Variants in FHIT observed in about 807,000 individuals in gnomAD.
The protein encoded by FHIT is bis(5'-adenosyl)-triphosphatase.
In FHIT, 19 loss-of-function variants were observed where a neutral mutation model predicts 17.9. The observed-to-expected ratio is 1.06, with a 90% confidence interval of 0.74 to 1.56. The LOEUF is 1.56. Among genes scored for constraint, FHIT ranks in the 40% most tolerant of loss-of-function variants. The probability of loss-of-function intolerance (pLI) is 0.00; values close to 1 mark genes in which losing one functional copy is unlikely to be tolerated. For synonymous variants in FHIT, 81 were observed against 69.7 expected (o/e 1.16, Z -0.81); for missense variants, 248 against 189.2 (o/e 1.31, Z -1.82).
intron 4 of FHIT, among the ~76,000 whole-genome samples, chr3:60,658,716 A>G: frequency 6.6e-6 from 1 of 152,152 alleles, no homozygotes; most frequent in East Asian, 1.9e-4. Context: ...CAAAGTTACA[A>G]TAATACTAGC....
At chr3:61,209,327 G>C (rs4688354) in intron 1 of FHIT, among the ~76,000 whole-genome samples, 65,729 of 151,908 alleles carry the variant, frequency 0.43, 14,604 homozygotes, top group East Asian at 0.58. Context: ...GTATCTTTCT[G>C]GCATTCTCTG....
At position 61,232,301 on chromosome 3, in the gene FHIT, C is replaced by T. The variant is rs1463015309; in HGVS notation, c.-213+19000G>A. The stretch of plus-strand genomic sequence containing the variant: ...TCTTGGGAGGCTGAGGCACGAGAAT[C>T]GCTTGAACCAGGGAGGTGGAGGTTG... On this transcript the variant is annotated intron_variant, in intron 1 of 9. Transcript: ENST00000492590. 2.6e-5 allele frequency among the ~76,000 whole-genome samples: 4 copies of T among 152,170 alleles called. No homozygotes were observed. In the East Asian group the frequency reaches 5.8e-4, roughly 22 times the overall value.
intron 3 of FHIT, among the ~76,000 whole-genome samples, chr3:61,037,230 A>G (rs574398388): frequency 1.4e-4 from 22 of 152,170 alleles, no homozygotes; most frequent in African/African-American, 5.3e-4. Context: ...TTTTTTATGC[A>G]AACTTTGACC....
At chr3:60,771,629 A>G (rs1700045814) in intron 4 of FHIT, among the ~76,000 whole-genome samples, 1 of 152,176 alleles carries the variant, frequency 6.6e-6, no homozygotes, top group Admixed American at 6.5e-5. Flanking sequence ...GTGCTACAGG[A>G]AAGTATTTAA....
chr3:60,004,714 C>G (rs1163714484), intron 7 of FHIT, among the ~76,000 whole-genome samples: 3 of 152,140 alleles, frequency 2.0e-5, no homozygotes, highest in Non-Finnish European at 4.4e-5. Flanking sequence ...GTTTGAATCC[C>G]AATTCCACTA....
At chr3:59,827,813 A>G (rs1007759571) in intron 8 of FHIT, among the ~76,000 whole-genome samples, 1 of 152,230 alleles carries the variant, frequency 6.6e-6, no homozygotes, top group Non-Finnish European at 1.5e-5. Flanking sequence ...GAAGATCTAC[A>G]GATAATGTAT....
At chr3:60,904,131 A>G (rs1248301327) in intron 3 of FHIT, among the ~76,000 whole-genome samples, 12 of 152,164 alleles carry the variant, frequency 7.9e-5, no homozygotes, top group Admixed American at 5.2e-4. Context: ...CATTTCATCT[A>G]TTTAGATTTT....
chr3:60,446,902 A>AAT (rs1553774439), intron 5 of FHIT, among the ~76,000 whole-genome samples: 3 of 140,248 alleles, frequency 2.1e-5, no homozygotes, highest in Non-Finnish European at 3.2e-5. Flanking sequence ...ATAATAATAA[A>AAT]AAGCCTTCAG....
intron 5 of FHIT, among the ~76,000 whole-genome samples, chr3:60,177,249 A>C (rs1701718930): frequency 1.3e-5 from 2 of 151,732 alleles, no homozygotes; most frequent in African/African-American, 4.9e-5. Flanking sequence ...CAGGGAAATA[A>C]TACAATAAGC....
chr3:60,851,640 T>C (rs1323516808), intron 3 of FHIT, among the ~76,000 whole-genome samples: 1 of 152,148 alleles, frequency 6.6e-6, no homozygotes, highest in Non-Finnish European at 1.5e-5. Flanking sequence ...AGATCACTCA[T>C]TTATGTCATA....
intron 3 of FHIT, among the ~76,000 whole-genome samples, chr3:60,919,890 T>A (rs1707190778): frequency 6.6e-6 from 1 of 151,954 alleles, no homozygotes; most frequent in Non-Finnish European, 1.5e-5. Flanking sequence ...AAAACTTAGC[T>A]AGGTGTGGTG....
chr3:60,308,241 C>T (rs1004926337), intron 5 of FHIT, among the ~76,000 whole-genome samples: 15 of 152,092 alleles, frequency 9.9e-5, no homozygotes, highest in African/African-American at 3.6e-4. Flanking sequence ...TCATTTGTCA[C>T]ATATGGATGA....
At chr3:60,817,736 C>G (rs1701790568) in intron 4 of FHIT, among the ~76,000 whole-genome samples, 3 of 152,006 alleles carry the variant, frequency 2.0e-5, no homozygotes, top group Admixed American at 6.6e-5. Context: ...TCAAATGTAT[C>G]CCATTTGGGA....
At chr3:60,510,640 AG>A (rs2034915481) in intron 5 of FHIT, among the ~76,000 whole-genome samples, 1 of 152,006 alleles carries the variant, frequency 6.6e-6, no homozygotes, top group African/African-American at 2.4e-5. Context: ...CAGAGATGTG[AG>A]TTCAAGTCTC....
intron 2 of FHIT, among the ~76,000 whole-genome samples, chr3:61,084,566 G>T (rs79332723): frequency 0.019 from 2,928 of 152,082 alleles, 97 homozygotes; most frequent in African/African-American, 0.066. Flanking sequence ...GTAATATTCT[G>T]TACCTTTCTC....
At chr3:60,916,549 T>C (rs1394801767) in intron 3 of FHIT, among the ~76,000 whole-genome samples, 1 of 152,208 alleles carries the variant, frequency 6.6e-6, no homozygotes. Flanking sequence ...GCCATTTCAT[T>C]ACCCACTGCA....
At chr3:60,322,091 A>C (rs77145756) in intron 5 of FHIT, among the ~76,000 whole-genome samples, 1,907 of 152,322 alleles carry the variant, frequency 0.013, 44 homozygotes, top group African/African-American at 0.044. Flanking sequence ...AATTTTCAAG[A>C]AACACATTTG....
intron 2 of FHIT, among the ~76,000 whole-genome samples, chr3:61,091,990 A>G (rs1013001967): frequency 2.7e-5 from 4 of 149,742 alleles, no homozygotes; most frequent in Non-Finnish European, 4.4e-5. Flanking sequence ...GGCTCCCAGG[A>G]ATTCATGGTC....
intron 5 of FHIT, among the ~76,000 whole-genome samples, chr3:60,273,033 T>G (rs1213151669): frequency 1.3e-5 from 2 of 152,198 alleles, no homozygotes; most frequent in African/African-American, 4.8e-5. Flanking sequence ...AACAATGGAT[T>G]AGTAAAAACT....
Sources: gnomAD v4.1 joint callset for allele counts (sites outside exome capture counted in the v4.1 genomes callset) on GRCh38, gnomAD v4.1.1 for gene constraint, MANE v1.5 for transcripts, NCBI Gene and HGNC (gene_info 2026-07-23, HGNC 2026-07-21) for gene names.